PHACTR1: variants seen among roughly 807,000 people sequenced by gnomAD.
The protein encoded by PHACTR1 is phosphatase and actin regulator 1, also known as RPEL repeat containing 1.
A neutral mutation model predicts 69.2 loss-of-function variants in PHACTR1; 16 were observed. The observed-to-expected ratio is 0.23, with a 90% CI of 0.16 to 0.35. The LOEUF is 0.35. Among genes scored for constraint, PHACTR1 ranks in the 10% least tolerant of loss-of-function variants. The pLI is 1.00. For synonymous variants in PHACTR1, 312 were observed against 284.5 expected (o/e 1.10, Z -0.97); for missense variants, 510 against 734.7 (o/e 0.69, Z 3.54).
At chr6:12,770,239 G>A (rs1769204779) in intron 4 of PHACTR1, among the ~76,000 whole-genome samples, 1 of 152,206 alleles carries the variant, frequency 6.6e-6, no homozygotes, top group African/African-American at 2.4e-5. Flanking sequence ...TTTTACAACA[G>A]TCATCTATTT....
chr6:12,938,702 T>C (rs1290557154), intron 4 of PHACTR1, among the ~76,000 whole-genome samples: 1 of 152,192 alleles, frequency 6.6e-6, no homozygotes, highest in African/African-American at 2.4e-5. Flanking sequence ...CTGCTTCTTT[T>C]TCATCCCCTC....
intron 3 of PHACTR1, among the ~76,000 whole-genome samples, chr6:12,747,316 C>G (rs1027139257): frequency 1.3e-5 from 2 of 151,960 alleles, no homozygotes; most frequent in Non-Finnish European, 1.5e-5. Flanking sequence ...CACTTCTTTT[C>G]TTTTTTTTCT....
At chr6:13,020,732 G>A (rs1275789880) in intron 4 of PHACTR1, among the ~76,000 whole-genome samples, 1 of 152,236 alleles carries the variant, frequency 6.6e-6, no homozygotes, top group Non-Finnish European at 1.5e-5. Context: ...TTCTAGTGCT[G>A]AGAACGGTGC....
rs1437320643 is a variant in PHACTR1 at position 12,780,253 on chromosome 6, G to C, written c.250+30463G>C. Among the ~76,000 whole-genome samples, 71 of 30,530 alleles carry C rather than the reference G, an allele frequency of 2.3e-3. 1 individual carries two copies. The highest frequency in any genetic ancestry group is 0.015 in the Middle Eastern group (1 of 66). 20.0% of individuals were successfully genotyped at this position (30,530 alleles called of 152,430 possible). On this transcript the variant is annotated intron_variant, in intron 4 of 14. Transcript: ENST00000332995. ...ACATATATATATATCTTTTCTCTGT[G>C]TGTGTGTGTGTGTGTGTGTGTGTGT...
chr6:13,220,410 A>G (rs547529026), intron 8 of PHACTR1, among the ~76,000 whole-genome samples: 16 of 152,318 alleles, frequency 1.1e-4, no homozygotes, highest in African/African-American at 3.8e-4. Flanking sequence ...TAAATTCATT[A>G]TAGAATGTTA....
At position 13,148,901 on chromosome 6, in the gene PHACTR1, T is replaced by C. The variant is rs537754914; in HGVS notation, c.416-11303T>C. Reference sequence around the variant, plus strand: ...GCCCAGCCAAGGGAGCTCATTGGAATGCAGGTCTCTACTGACTGAAGTTTC... The same window carrying C: ...GCCCAGCCAAGGGAGCTCATTGGAACGCAGGTCTCTACTGACTGAAGTTTC... On this transcript the variant is annotated intron_variant, in intron 5 of 14. Transcript: ENST00000332995. 2.1e-3 allele frequency among the ~76,000 whole-genome samples: 313 copies of C among 152,350 alleles called. 1 individual carries two copies. Among genetic ancestry groups the C allele is most frequent in the South Asian group, 6.6e-3 (32 of 4,832 alleles).
At chr6:13,208,627 G>GGGCC (rs1766284974) in intron 8 of PHACTR1, among the ~76,000 whole-genome samples, 1 of 141,422 alleles carries the variant, frequency 7.1e-6, no homozygotes. Context: ...CGTCATTGCT[G>GGGCC]CCCACCCCCC....
At chr6:13,271,921 A>G (rs572231375) in intron 10 of PHACTR1, among the ~76,000 whole-genome samples, 1 of 152,320 alleles carries the variant, frequency 6.6e-6, no homozygotes, top group South Asian at 2.1e-4. Flanking sequence ...GGAGAGCATC[A>G]TTTCTACCCC....
chr6:12,952,662 A>G (rs1370728611), intron 4 of PHACTR1, among the ~76,000 whole-genome samples: 1 of 152,250 alleles, frequency 6.6e-6, no homozygotes, highest in East Asian at 1.9e-4. Flanking sequence ...GCAATTATGC[A>G]TAAAGCCGCT....
chr6:12,750,050 C>T (rs986585113), intron 4 of PHACTR1, among the ~76,000 whole-genome samples: 3 of 152,180 alleles, frequency 2.0e-5, no homozygotes, highest in African/African-American at 7.2e-5. Flanking sequence ...CTGTCAGTGA[C>T]CACAGTGATC....
At chr6:13,091,087 T>A (rs1188362704) in intron 5 of PHACTR1, among the ~76,000 whole-genome samples, 3 of 152,060 alleles carry the variant, frequency 2.0e-5, no homozygotes, top group Non-Finnish European at 2.9e-5. Context: ...CTCGGCTCAC[T>A]GCAACCTCTG....
intron 4 of PHACTR1, among the ~76,000 whole-genome samples, chr6:12,763,785 A>G (rs1238150286): frequency 6.6e-6 from 1 of 152,254 alleles, no homozygotes; most frequent in Non-Finnish European, 1.5e-5. Context: ...GCACAAAATT[A>G]TGCATGATTC....
rs73357184 is a variant in PHACTR1, at chr6:13,251,379, C to T, written c.1391+21186C>T. 4.2e-3 allele frequency among the ~76,000 whole-genome samples: 645 copies of T among 152,278 alleles called. 3 individuals are homozygous for T. Among genetic ancestry groups the T allele is most frequent in the African/African-American group, 0.012 (493 of 41,550 alleles). Reference sequence around the variant, plus strand: ...CTGGTGCTCCCTGAGAGGGACATTACGGTCACGGGTGCAGGGCTGCAAATA... The same window carrying T: ...CTGGTGCTCCCTGAGAGGGACATTATGGTCACGGGTGCAGGGCTGCAAATA... On this transcript the variant is annotated intron_variant, in intron 10 of 14. Transcript: ENST00000332995.
intron 9 of PHACTR1, 127 bp downstream of exon 9, chr6:13,228,190 T>A: frequency 8.1e-7 from 1 of 1,235,398 alleles, no homozygotes; most frequent in Non-Finnish European, 1.1e-6. Context: ...TGGTCCTGGG[T>A]CGTAGGGCAG....
chr6:13,197,540 C>CTT (rs147539684), intron 7 of PHACTR1, among the ~76,000 whole-genome samples: 1 of 149,842 alleles, frequency 6.7e-6, no homozygotes, highest in African/African-American at 2.5e-5. Context: ...TTCTGAGTTC[C>CTT]TTTTTTTTTT....
intron 7 of PHACTR1, chr6:13,184,958 C>A (rs774173567): frequency 1.5e-6 from 2 of 1,366,594 alleles, no homozygotes; most frequent in Non-Finnish European, 2.0e-6. Flanking sequence ...AAGCAGCCCC[C>A]GGCCCTGCCT....
intron 3 of PHACTR1, among the ~76,000 whole-genome samples, chr6:12,724,682 C>G (rs998518442): frequency 6.6e-6 from 1 of 152,200 alleles, no homozygotes; most frequent in Non-Finnish European, 1.5e-5. Flanking sequence ...CCAAACCACA[C>G]TTCCAGGGAT....
At chr6:13,238,336 A>G (rs1772319808) in intron 10 of PHACTR1, among the ~76,000 whole-genome samples, 1 of 152,138 alleles carries the variant, frequency 6.6e-6, no homozygotes, top group Admixed American at 6.6e-5. Context: ...TCTCCTCCTC[A>G]CTACTTTATC....
At chr6:13,270,077 A>G (rs1777418005) in intron 10 of PHACTR1, among the ~76,000 whole-genome samples, 1 of 152,220 alleles carries the variant, frequency 6.6e-6, no homozygotes, top group Non-Finnish European at 1.5e-5. Context: ...ACCAAGTCAT[A>G]GGTTGTCACC....
Sources: gnomAD v4.1 joint callset for allele counts (sites outside exome capture counted in the v4.1 genomes callset) on GRCh38, gnomAD v4.1.1 for gene constraint, MANE v1.5 for transcripts, NCBI Gene and HGNC (gene_info 2026-07-23, HGNC 2026-07-21) for gene names.